The following PDSS1 variants were observed in gnomAD, a reference collection of about 807,000 sequenced individuals.
PDSS1 encodes all trans-polyprenyl-diphosphate synthase PDSS1.
In PDSS1, 43 loss-of-function variants were observed where a neutral mutation model predicts 57.5. The observed-to-expected ratio is 0.75, with a 90% CI of 0.59 to 0.96. The LOEUF is 0.96. PDSS1 is among the 50% of genes least tolerant of loss of function. The pLI, the probability that PDSS1 is intolerant of heterozygous loss-of-function variation, is 0.00. For missense variants in PDSS1, 438 were observed against 527.8 expected (o/e 0.83, Z 1.67); for synonymous variants, 175 against 191.3 (o/e 0.91, Z 0.70).
chr10:26,742,607 C>T (rs374178343), intron 11 of PDSS1, 30 bp downstream of exon 11: 1 of 1,392,244 alleles, frequency 7.2e-7, no homozygotes, highest in Admixed American at 1.7e-5. Context: ...AAAAAGGCAG[C>T]AGCAGGAACA....
chr10:26,743,816 C>CATT (rs1250913640), intron 11 of PDSS1, among the ~76,000 whole-genome samples: 8 of 152,116 alleles, frequency 5.3e-5, no homozygotes, highest in African/African-American at 1.9e-4. Flanking sequence ...CCTATTCCCT[C>CATT]ATTAAATATG....
chr10:26,698,434 G>A (rs1481990409), intron 1 of PDSS1, among the ~76,000 whole-genome samples: 1 of 152,174 alleles, frequency 6.6e-6, no homozygotes, highest in African/African-American at 2.4e-5. Flanking sequence ...AGAAAGGCCC[G>A]AGGCCGTCAG....
chr10:26,702,612 G>A (rs189517557), intron 2 of PDSS1, among the ~76,000 whole-genome samples: 30 of 152,150 alleles, frequency 2.0e-4, no homozygotes, highest in African/African-American at 6.3e-4. Context: ...CTGTGAGTCA[G>A]TTACACCTCT....
intron 10 of PDSS1, among the ~76,000 whole-genome samples, chr10:26,738,454 G>A (rs1836475578): frequency 6.6e-6 from 1 of 152,208 alleles, no homozygotes. Context: ...GAAGTTAGTA[G>A]CTATGATACC....
rs149274703 is a variant in PDSS1 at position 26,709,727 on chromosome 10, G to A, written c.426G>A (p.Ala142=). The change falls in exon 5 of 12, where the codon GCG becomes GCA. Residue 142 remains alanine, a synonymous_variant. Coordinates refer to ENST00000376215, the MANE Select transcript of PDSS1 (RefSeq NM_014317.5). ...KGKAFRPIIV[A]LMARACNIHH... ...AAGCCTTTCGACCAATTATTGTGGC[G>A]CTAATGGCCCGAGCATGCAATATTC... is the stretch of plus-strand genomic sequence containing the variant. 661 of 1,613,854 alleles carry A rather than the reference G, an allele frequency of 4.1e-4. 7 individuals are homozygous for A. The South Asian group carries it at 6.5e-3, about 16-fold the overall frequency.
intron 1 of PDSS1, among the ~76,000 whole-genome samples, chr10:26,699,828 G>A (rs941810447): frequency 1.3e-5 from 2 of 152,200 alleles, no homozygotes; most frequent in African/African-American, 4.8e-5. Flanking sequence ...GTGGACTCAT[G>A]ATGCCAAGAT....
At chr10:26,705,552 C>A (rs1174179974) in intron 4 of PDSS1, among the ~76,000 whole-genome samples, 158 bp downstream of exon 4, 1 of 152,172 alleles carries the variant, frequency 6.6e-6, no homozygotes, top group Admixed American at 6.5e-5. Flanking sequence ...AAGCTCACTG[C>A]AACCCTTGCC....
intron 1 of PDSS1, 100 bp downstream of exon 1, chr10:26,697,940 C>T: frequency 9.5e-7 from 1 of 1,047,886 alleles, no homozygotes; most frequent in South Asian, 4.3e-5. Context: ...TGCGTCGCGA[C>T]GCGGGGGCGC....
intron 8 of PDSS1, among the ~76,000 whole-genome samples, chr10:26,724,490 G>C (rs1419885333): frequency 6.6e-6 from 1 of 152,158 alleles, no homozygotes; most frequent in Non-Finnish European, 1.5e-5. Flanking sequence ...TAGAAATGAA[G>C]TGCTCTGTTC....
At chr10:26,709,012 A>G (rs1440887995) in intron 4 of PDSS1, among the ~76,000 whole-genome samples, 1 of 152,030 alleles carries the variant, frequency 6.6e-6, no homozygotes, top group East Asian at 1.9e-4. Context: ...CAATGAGCCC[A>G]GAGTCCCTTA....
chr10:26,730,171 C>G (rs914204251), intron 8 of PDSS1, among the ~76,000 whole-genome samples: 2 of 151,896 alleles, frequency 1.3e-5, no homozygotes, highest in African/African-American at 4.8e-5. Context: ...CTCGGCCTCC[C>G]AAAGTGCTGG....
intron 8 of PDSS1, 137 bp downstream of exon 8, chr10:26,724,260 C>A: frequency 1.4e-6 from 1 of 708,144 alleles, no homozygotes; most frequent in Non-Finnish European, 2.6e-6. Flanking sequence ...AAAAGAATGA[C>A]ATCCCCAAAC....
intron 10 of PDSS1, among the ~76,000 whole-genome samples, chr10:26,740,266 C>T (rs112795890): frequency 4.0e-4 from 61 of 152,110 alleles, no homozygotes; most frequent in African/African-American, 1.4e-3. Flanking sequence ...GCTACGATTG[C>T]ACCACTGCAC....
At chr10:26,738,466 C>T (rs1327241144) in intron 10 of PDSS1, among the ~76,000 whole-genome samples, 1 of 152,208 alleles carries the variant, frequency 6.6e-6, no homozygotes, top group Non-Finnish European at 1.5e-5. Context: ...TATGATACCA[C>T]ACAGGCCTTC....
At chr10:26,701,036 G>A (rs1003174021) in intron 1 of PDSS1, among the ~76,000 whole-genome samples, 1 of 152,154 alleles carries the variant, frequency 6.6e-6, no homozygotes, top group African/African-American at 2.4e-5. Context: ...CCAGGCTGAG[G>A]TGGTCTCAGA....
At chr10:26,718,527 G>T (rs1835675364) in intron 5 of PDSS1, among the ~76,000 whole-genome samples, 1 of 152,154 alleles carries the variant, frequency 6.6e-6, no homozygotes, top group African/African-American at 2.4e-5. Context: ...TTGGGAAGCT[G>T]AGGTGGGTGG....
chr10:26,743,159 C>T (rs1026690614), intron 11 of PDSS1, among the ~76,000 whole-genome samples: 1 of 152,222 alleles, frequency 6.6e-6, no homozygotes. Flanking sequence ...CATTCAGGGG[C>T]TAGTGGCTTG....
intron 11 of PDSS1, among the ~76,000 whole-genome samples, chr10:26,745,661 A>G (rs1053593350): frequency 6.6e-6 from 1 of 152,198 alleles, no homozygotes; most frequent in East Asian, 1.9e-4. Context: ...AGCCTGGCCA[A>G]CATGACAAAA....
At chr10:26,706,863 A>T (rs544525611) in intron 4 of PDSS1, among the ~76,000 whole-genome samples, 5 of 152,318 alleles carry the variant, frequency 3.3e-5, no homozygotes, top group African/African-American at 1.2e-4. Flanking sequence ...TCCTCAGAAG[A>T]AAGAATTCGA....
Sources: allele counts gnomAD v4.1 joint callset (sites outside exome capture counted in the v4.1 genomes callset), GRCh38; gene constraint gnomAD v4.1.1; transcripts MANE v1.5; gene names NCBI Gene and HGNC (gene_info 2026-07-23, HGNC 2026-07-21).